Variants in RAB5A observed in about 807,000 individuals in gnomAD.
RAB5A encodes RAB5A, member RAS oncogene family, also known as ras-related protein Rab-5A.
Under a neutral mutation model 25.7 loss-of-function variants are expected in RAB5A, and 8 were observed. The ratio of observed to expected loss-of-function variants is 0.31; its 90% CI spans 0.18 to 0.56. The LOEUF (loss-of-function observed/expected upper bound fraction) is 0.56, where lower values mean the gene tolerates loss of function less well. RAB5A is among the 20% of genes least tolerant of loss of function. RAB5A has a pLI of 0.91. For missense variants in RAB5A, 192 were observed against 259.7 expected (o/e 0.74, Z 1.79); for synonymous variants, 98 against 89.8 (o/e 1.09, Z -0.52).
At chr3:19,955,162 A>G (rs1696481695) in intron 2 of RAB5A, among the ~76,000 whole-genome samples, 2 of 152,240 alleles carry the variant, frequency 1.3e-5, no homozygotes. Flanking sequence ...TGGTTAGAAT[A>G]TGCAGTGAAA....
At chr3:19,969,002 T>G (rs1299067751) in intron 2 of RAB5A, among the ~76,000 whole-genome samples, 9 of 151,874 alleles carry the variant, frequency 5.9e-5, no homozygotes, top group African/African-American at 2.2e-4. Flanking sequence ...GTGCTTGGGT[T>G]TTTTGCAAAT....
At position 19,980,042 on chromosome 3, in the gene RAB5A, C is replaced by G. The variant is rs184946475; in HGVS notation, c.532+1639C>G. The G allele has an allele frequency of 1.5e-4, 23 of 152,240 alleles. No individual in the cohort carries two copies. The East Asian group carries it at 4.4e-3, about 29-fold the overall frequency. 9.4% of individuals were successfully genotyped at this position (152,240 alleles called of 1,614,324 possible). A position where few individuals can be genotyped will look rare whatever the true frequency, so the allele number is the denominator to read the frequency against. On this transcript the variant is annotated intron_variant, in intron 5 of 5. Transcript: ENST00000273047. ...TCATTCGAAATGGGAAAGAACTTGC[C>G]TTTTCTCATGTAAACTGTTTTCCTG...
intron 1 of RAB5A, among the ~76,000 whole-genome samples, chr3:19,950,362 C>G (rs370264124): frequency 2.0e-5 from 3 of 152,172 alleles, no homozygotes; most frequent in African/African-American, 4.8e-5. Context: ...TAATTTTTCT[C>G]AAAACAATGT....
At chr3:19,967,342 G>A (rs910334606) in intron 2 of RAB5A, among the ~76,000 whole-genome samples, 3 of 151,982 alleles carry the variant, frequency 2.0e-5, no homozygotes, top group Non-Finnish European at 2.9e-5. Context: ...ACAGGGTTTC[G>A]TCATTTTGGC....
intron 4 of RAB5A, among the ~76,000 whole-genome samples, chr3:19,976,859 T>TA (rs1696832341): frequency 1.3e-5 from 2 of 152,128 alleles, no homozygotes; most frequent in South Asian, 4.1e-4. Context: ...CGCAAACACT[T>TA]ATGTGGTTGT....
chr3:19,959,214 T>C (rs983239553), intron 2 of RAB5A, among the ~76,000 whole-genome samples: 1 of 152,146 alleles, frequency 6.6e-6, no homozygotes, highest in African/African-American at 2.4e-5. Flanking sequence ...TTATTTGTTA[T>C]ATATGGGAAA....
intron 5 of RAB5A, among the ~76,000 whole-genome samples, chr3:19,983,296 A>C (rs569946410): frequency 1.4e-5 from 2 of 143,100 alleles, no homozygotes; most frequent in Admixed American, 1.5e-4. Flanking sequence ...AGATCACGCC[A>C]TTGCACTCCA....
At chr3:19,982,080 A>G (rs79772718) in intron 5 of RAB5A, among the ~76,000 whole-genome samples, 3 of 144,552 alleles carry the variant, frequency 2.1e-5, no homozygotes, top group African/African-American at 7.6e-5. Context: ...TATCTCTACC[A>G]AAAAAAAAAA....
chr3:19,977,089 T>A (rs957775456), intron 4 of RAB5A, among the ~76,000 whole-genome samples: 4 of 151,716 alleles, frequency 2.6e-5, no homozygotes, highest in African/African-American at 9.7e-5. Flanking sequence ...TTTTTTTTTT[T>A]AAGATGGAGT....
At chr3:19,975,172 G>A (rs923601206) in intron 2 of RAB5A, among the ~76,000 whole-genome samples, 46 of 150,138 alleles carry the variant, frequency 3.1e-4, no homozygotes, top group African/African-American at 1.1e-3. Flanking sequence ...GTTGCAGTGA[G>A]CTGAGATCAC....
intron 5 of RAB5A, among the ~76,000 whole-genome samples, chr3:19,983,339 A>C (rs1284202375): frequency 8.3e-6 from 1 of 121,162 alleles, no homozygotes; most frequent in Admixed American, 8.0e-5. Flanking sequence ...GAGTGAGACT[A>C]CATCTCAAAA....
intron 2 of RAB5A, among the ~76,000 whole-genome samples, chr3:19,969,677 T>C (rs1243890774): frequency 6.6e-6 from 1 of 152,250 alleles, no homozygotes; most frequent in Non-Finnish European, 1.5e-5. Flanking sequence ...AATAAAGCAA[T>C]TCTTTCCTGT....
intron 2 of RAB5A, among the ~76,000 whole-genome samples, chr3:19,966,249 A>C (rs1186081638): frequency 6.6e-6 from 1 of 152,046 alleles, no homozygotes; most frequent in African/African-American, 2.4e-5. Context: ...TCTGACTCTG[A>C]CTACTCTAGC....
At chr3:19,954,647 G>A (rs777012375) in intron 2 of RAB5A, among the ~76,000 whole-genome samples, 7 of 151,986 alleles carry the variant, frequency 4.6e-5, no homozygotes, top group African/African-American at 1.2e-4. Flanking sequence ...GCAAAACCCC[G>A]TCTTTACAAA....
At chr3:19,958,031 A>G (rs1367417280) in intron 2 of RAB5A, among the ~76,000 whole-genome samples, 5 of 152,148 alleles carry the variant, frequency 3.3e-5, no homozygotes, top group Non-Finnish European at 7.3e-5. Context: ...TCTTTGTATA[A>G]TTATAATCTG....
intron 2 of RAB5A, among the ~76,000 whole-genome samples, chr3:19,967,790 T>G (rs1013318580): frequency 6.6e-6 from 1 of 152,190 alleles, no homozygotes; most frequent in African/African-American, 2.4e-5. Context: ...TTTCTTACTC[T>G]TCCTCACATT....
intron 2 of RAB5A, among the ~76,000 whole-genome samples, chr3:19,966,382 AC>A (rs764412527): frequency 1.3e-5 from 2 of 152,092 alleles, no homozygotes; most frequent in African/African-American, 2.4e-5. Context: ...CCTTCCTAAA[AC>A]TTTTTAGGCT....
At chr3:19,949,984 G>A (rs1696399581) in intron 1 of RAB5A, among the ~76,000 whole-genome samples, 1 of 152,208 alleles carries the variant, frequency 6.6e-6, no homozygotes, top group Non-Finnish European at 1.5e-5. Context: ...GTTGCAGTGA[G>A]CTGTGACCAC....
intron 2 of RAB5A, among the ~76,000 whole-genome samples, chr3:19,953,887 A>G (rs181309388): frequency 5.9e-5 from 9 of 152,206 alleles, no homozygotes; most frequent in Non-Finnish European, 8.8e-5. Context: ...AAGAATTTTA[A>G]GGTTTGAGCT....
Sources: allele counts gnomAD v4.1 joint callset (sites outside exome capture counted in the v4.1 genomes callset), GRCh38; gene constraint gnomAD v4.1.1; transcripts MANE v1.5; gene names NCBI Gene and HGNC (gene_info 2026-07-23, HGNC 2026-07-21).